The following ANKRD45 variants were observed in gnomAD, a reference collection of about 807,000 sequenced individuals.
The protein encoded by ANKRD45 is ankyrin repeat domain 45.
A neutral mutation model predicts 28.1 loss-of-function variants in ANKRD45; 21 were observed. That is an observed-to-expected ratio of 0.75 (90% CI 0.53 to 1.08). ANKRD45 has a LOEUF of 1.08. Ranked by LOEUF, ANKRD45 falls within the 50% of genes least tolerant of loss-of-function variation. The pLI is 0.00. For missense variants in ANKRD45, 261 were observed against 308.7 expected, an observed-to-expected ratio of 0.85 and a Z score of 1.16; for synonymous variants, 86 against 103.9, an observed-to-expected ratio of 0.83 and a Z score of 1.05.
the ANKRD45 span, among the ~76,000 whole-genome samples, chr1:173,676,299 T>C: frequency 1.3e-5 from 2 of 152,202 alleles, no homozygotes; most frequent in Non-Finnish European, 2.9e-5. Flanking sequence ...TCTGTAGAAA[T>C]CAGGTAGACA....
intron 5 of ANKRD45, among the ~76,000 whole-genome samples, chr1:173,612,176 T>C (rs1370709387): frequency 2.6e-5 from 4 of 151,574 alleles, no homozygotes; most frequent in African/African-American, 7.3e-5. Context: ...CCCAGGGAGG[T>C]TGAGGCTGCA....
the ANKRD45 span, among the ~76,000 whole-genome samples, chr1:173,707,131 ATT>A: frequency 6.6e-6 from 1 of 151,524 alleles, no homozygotes; most frequent in African/African-American, 2.4e-5. Context: ...CATTTATGTT[ATT>A]TGTTTTTTTC....
intron 5 of ANKRD45, among the ~76,000 whole-genome samples, chr1:173,622,210 A>G (rs1667736725): frequency 6.6e-6 from 1 of 152,208 alleles, no homozygotes; most frequent in Non-Finnish European, 1.5e-5. Flanking sequence ...AAGAACTAAT[A>G]TTATGAAATG....
At chr1:173,658,015 C>A (rs1190286774) in intron 2 of ANKRD45, 1 of 152,024 alleles carries the variant, frequency 6.6e-6, no homozygotes, top group African/African-American at 2.4e-5. Flanking sequence ...TCTTCTGTGA[C>A]CAATAGATGA....
At chr1:173,630,984 C>T (rs1668174740) in intron 3 of ANKRD45, among the ~76,000 whole-genome samples, 1 of 151,842 alleles carries the variant, frequency 6.6e-6, no homozygotes, top group Admixed American at 6.6e-5. Context: ...TCAATAATAA[C>T]ACTGAATGTA....
intron 3 of ANKRD45, among the ~76,000 whole-genome samples, chr1:173,640,663 G>A (rs1296403718): frequency 6.6e-6 from 1 of 152,156 alleles, no homozygotes; most frequent in Non-Finnish European, 1.5e-5. Flanking sequence ...TTGTGGAGAT[G>A]TGAAAGATCA....
Position 173,646,970 on chromosome 1 carries a change from T to C in ANKRD45, c.372A>G (p.Glu124=), listed in dbSNP as rs1192287933. 2 of 1,614,004 alleles carry C rather than the reference T, an allele frequency of 1.2e-6. No homozygotes were observed. The highest frequency in any genetic ancestry group is 2.2e-5 in the East Asian group (1 of 44,888). ...LHCAAAWGRL[E]TLKALVELDV... ...CCAGTTCTACCAGTGCTTTCAAAGTTTCCAAACGACCCCAGGCTGCAGCAC... is the reference window on the plus strand; with the variant it reads ...CCAGTTCTACCAGTGCTTTCAAAGTCTCCAAACGACCCCAGGCTGCAGCAC... The change falls in exon 3 of 6, where the codon GAA becomes GAG. Residue 124 remains glutamate, a synonymous_variant. Transcript: ENST00000333279.
At chr1:173,683,617 A>C in the ANKRD45 span, among the ~76,000 whole-genome samples, 1 of 152,204 alleles carries the variant, frequency 6.6e-6, no homozygotes, top group African/African-American at 2.4e-5. Context: ...AAAGGTCAGC[A>C]GCACCTCCAG....
the ANKRD45 span, among the ~76,000 whole-genome samples, chr1:173,697,116 A>C: frequency 6.6e-6 from 1 of 152,184 alleles, no homozygotes; most frequent in East Asian, 1.9e-4. Flanking sequence ...AAGTTTAGAG[A>C]AAAAAGAGTA....
chr1:173,674,666 A>G (rs1049393748), upstream of ANKRD45, among the ~76,000 whole-genome samples: 4 of 152,230 alleles, frequency 2.6e-5, no homozygotes, highest in Non-Finnish European at 5.9e-5. Flanking sequence ...TCACAGATAC[A>G]TAAGAGACAA....
rs12059068 is a variant in ANKRD45 at position 173,627,134 on chromosome 1, A to G, written c.522T>C (p.Tyr174=). 51,660 of 1,611,256 alleles carry G rather than the reference A, an allele frequency of 0.032. 13,634 individuals carry two copies. The African/African-American group carries it at 0.6, about 19-fold the overall frequency. Reference sequence around the variant, plus strand: ...TAACAGCTAAAGAGACTTTTGCAATATATTTTTTCAGAGTCAGCCTTGCAT... The same window carrying G: ...TAACAGCTAAAGAGACTTTTGCAATGTATTTTTTCAGAGTCAGCCTTGCAT... ...WADARLTLKK[Y]IAKVSLAVTD... The change falls in exon 4 of 6, where the codon TAT becomes TAC. Residue 174 remains tyrosine, a synonymous_variant. Coordinates refer to ENST00000333279, the MANE Select transcript of ANKRD45 (RefSeq NM_198493.3).
chr1:173,652,074 G>T (rs1164616334), intron 2 of ANKRD45, among the ~76,000 whole-genome samples: 1 of 152,028 alleles, frequency 6.6e-6, no homozygotes, highest in Non-Finnish European at 1.5e-5. Context: ...TTTCCTAATT[G>T]AATACCCTTT....
the ANKRD45 span, chr1:173,675,447 T>TACTAAAC: frequency 5.5e-6 from 1 of 183,414 alleles, no homozygotes; most frequent in African/African-American, 2.4e-5. Context: ...ACCCCGTATC[T>TACTAAAC]ACTAAACATA....
intron 5 of ANKRD45, 117 bp from the exon 6 acceptor site, chr1:173,610,332 C>A: frequency 1.1e-6 from 1 of 926,038 alleles, no homozygotes. Context: ...GCTGAACCAG[C>A]TACTAATTCA....
At chr1:173,623,805 T>A (rs1039681518) in intron 5 of ANKRD45, among the ~76,000 whole-genome samples, 1 of 152,076 alleles carries the variant, frequency 6.6e-6, no homozygotes, top group African/African-American at 2.4e-5. Context: ...CCATGTCCAT[T>A]TAAAAGACAT....
chr1:173,706,786 T>C, the ANKRD45 span, among the ~76,000 whole-genome samples: 1 of 152,188 alleles, frequency 6.6e-6, no homozygotes, highest in Non-Finnish European at 1.5e-5. Context: ...TGTGCATAAC[T>C]TATTTTATTT....
the ANKRD45 span, among the ~76,000 whole-genome samples, chr1:173,713,058 A>C: frequency 6.6e-6 from 1 of 152,374 alleles, no homozygotes; most frequent in East Asian, 1.9e-4. Flanking sequence ...TGGAAGTTGC[A>C]AAAGAATACA....
the ANKRD45 span, among the ~76,000 whole-genome samples, chr1:173,700,080 A>G: frequency 4.9e-4 from 74 of 152,308 alleles, 1 homozygote; most frequent in South Asian, 1.5e-3. Flanking sequence ...AATTGCTACA[A>G]AGAGAATAAA....
chr1:173,633,176 TC>T (rs200662926), intron 3 of ANKRD45, among the ~76,000 whole-genome samples: 1 of 151,230 alleles, frequency 6.6e-6, no homozygotes, highest in East Asian at 1.9e-4. Context: ...CATGCAAAAA[TC>T]AGTAGTATTT....
Sources: allele counts gnomAD v4.1 joint callset (sites outside exome capture counted in the v4.1 genomes callset), GRCh38; gene constraint gnomAD v4.1.1; transcripts MANE v1.5; gene names NCBI Gene and HGNC (gene_info 2026-07-23, HGNC 2026-07-21).